MARCKS: variants seen among roughly 807,000 people sequenced by gnomAD.
MARCKS encodes the protein myristoylated alanine-rich C-kinase substrate.
A neutral mutation model predicts 6.3 loss-of-function variants in MARCKS; 4 were observed. That is an observed-to-expected ratio of 0.63 (90% CI 0.31 to 1.45). The LOEUF (loss-of-function observed/expected upper bound fraction) is 1.45, where lower values mean the gene tolerates loss of function less well. MARCKS is among the 40% of genes most tolerant of loss of function. The probability of loss-of-function intolerance (pLI) is 0.07; values close to 1 mark genes in which losing one functional copy is unlikely to be tolerated. For synonymous variants in MARCKS, 289 were observed against 236.5 expected, an observed-to-expected ratio of 1.22 and a Z score of -2.04; for missense variants, 636 against 485.7, an observed-to-expected ratio of 1.31 and a Z score of -2.91.
Position 113,862,970 on chromosome 6 carries a change from G to A in MARCKS, c.*2391G>A, listed in dbSNP as rs182919904. ...CCAACGTTTTCTTAGTTACCTAGAT[G>A]GCCAAGTACAGTGCCTGGTATGTAG... On this transcript the variant is annotated 3_prime_UTR_variant, in exon 2 of 2. Transcript: ENST00000612661. 7.2e-5 allele frequency: 11 copies of A among 152,274 alleles called. No individual in the cohort carries two copies. Among genetic ancestry groups the A allele is most frequent in the African/African-American group, 2.6e-4 (11 of 41,572 alleles). 9.4% of individuals were successfully genotyped at this position (152,274 alleles called of 1,614,324 possible).
rs1017389727 is a variant in MARCKS at position 113,862,136 on chromosome 6, A to C, written c.*1557A>C. 8 of 152,174 alleles carry C rather than the reference A, an allele frequency of 5.3e-5. No homozygotes were observed. Among genetic ancestry groups the C allele is most frequent in the Admixed American group, 2.0e-4 (3 of 15,276 alleles). 9.4% of individuals were successfully genotyped at this position (152,174 alleles called of 1,614,324 possible). A position where few individuals can be genotyped will look rare whatever the true frequency, so the allele number is the denominator to read the frequency against. ...AAGACTATTTAAATGTCTTATGAGA[A>C]AATTTCATAAAGCCATTCTCTTGTC... On this transcript the variant is annotated 3_prime_UTR_variant, in exon 2 of 2. Transcript: ENST00000612661.
Position 113,861,725 on chromosome 6 carries a change from G to T in MARCKS, c.*1146G>T, listed in dbSNP as rs1399793368. The T allele has an allele frequency of 1.3e-5, 2 of 152,602 alleles. No individual in the cohort carries two copies. Among genetic ancestry groups the T allele is most frequent in the Non-Finnish European group, 1.5e-5 (1 of 68,014 alleles). 9.5% of individuals were successfully genotyped at this position (152,602 alleles called of 1,614,324 possible). ...GAATGTAACTTTGCTTACAAAAATT[G>T]CTATTAAACTCCTGCTTAAGGTGTT... On this transcript the variant is annotated 3_prime_UTR_variant, in exon 2 of 2. Transcript: ENST00000612661.
rs1774801827 is a variant in MARCKS, at chr6:113,857,432, G to A, written c.-314G>A. On this transcript the variant is annotated 5_prime_UTR_variant, in exon 1 of 2. Coordinates refer to ENST00000612661, the MANE Select transcript of MARCKS (RefSeq NM_002356.7). ...GTCTACAGTGCGGCTACAAATCTGG[G>A]ATTTTTTTATTACTTCTTTTTTTTT... 3.2e-6 allele frequency: 1 copy of A among 316,226 alleles called. No individual in the cohort carries two copies. 19.6% of individuals were successfully genotyped at this position (316,226 alleles called of 1,614,324 possible).
rs1279751622 is a variant in MARCKS, at chr6:113,859,888, T to G, written c.308T>G (p.Val103Gly). 2.1e-6 allele frequency: 3 copies of G among 1,430,436 alleles called. No individual in the cohort carries two copies. Among genetic ancestry groups the G allele is most frequent in the Non-Finnish European group, 2.7e-6 (3 of 1,095,192 alleles). 88.6% of individuals were successfully genotyped at this position (1,430,436 alleles called of 1,614,324 possible). ...AAAPEAGASP[V>G]EKEAPAEGEA... is the part of the protein sequence containing the mutation. ...GCCCCCGAGGCCGGGGCCAGCCCGG[T>G]AGAGAAGGAGGCCCCCGCGGAAGGC... is the stretch of plus-strand genomic sequence containing the variant. The change falls in exon 2 of 2, where the codon GTA (valine) becomes GGA (glycine). Residue 103 changes from valine (V) to glycine (G), a missense_variant. Coordinates refer to ENST00000612661, the MANE Select transcript of MARCKS (RefSeq NM_002356.7).
chr6:113,859,553 C>A lies in MARCKS; in HGVS notation c.103-130C>A, dbSNP rs1384440873. On this transcript the variant is annotated intron_variant, in intron 1 of 1. Transcript: ENST00000612661. Reference sequence around the variant, plus strand: ...TCCACCCGCGCCTCCCTCCCCACAACGGCGGGGGTGGGGTCTCGATGGCCA... The same window carrying A: ...TCCACCCGCGCCTCCCTCCCCACAAAGGCGGGGGTGGGGTCTCGATGGCCA... The A allele has an allele frequency of 1.4e-5, 11 of 777,362 alleles. No individual in the cohort carries two copies. The East Asian group carries it at 3.6e-4, about 25-fold the overall frequency. 48.2% of individuals were successfully genotyped at this position (777,362 alleles called of 1,614,324 possible).
In MARCKS at chr6:113,861,279, GTGAT is replaced by G. The variant is rs1290062938; in HGVS notation, c.*702_*705del. On this transcript the variant is annotated 3_prime_UTR_variant, in exon 2 of 2. Coordinates refer to ENST00000612661, the MANE Select transcript of MARCKS (RefSeq NM_002356.7). ...TATCTCATGTTAGCTGTACCAGTCAGTGATTAAGTAGAACTACAAGTTGTATAGG... is the reference window on the plus strand; with the variant it reads ...TATCTCATGTTAGCTGTACCAGTCAGTAAGTAGAACTACAAGTTGTATAGG... 1 of 152,352 alleles carries G rather than the reference GTGAT, an allele frequency of 6.6e-6. No homozygotes were observed. Among genetic ancestry groups the G allele is most frequent in the Non-Finnish European group, 1.5e-5 (1 of 67,986 alleles). 9.4% of individuals were successfully genotyped at this position (152,352 alleles called of 1,614,324 possible).
chr6:113,858,608 A>G (rs1387727755), intron 1 of MARCKS, among the ~76,000 whole-genome samples: 1 of 152,068 alleles, frequency 6.6e-6, no homozygotes, highest in East Asian at 1.9e-4. Context: ...CGCCTCGACC[A>G]CCCGCGAGGG....
At chr6:113,857,903 C>T in intron 1 of MARCKS, 56 bp downstream of exon 1, 10 of 1,400,412 alleles carry the variant, frequency 7.1e-6, no homozygotes, top group South Asian at 2.5e-5. Context: ...TCCTTCCCTC[C>T]TGGTGGCTCC....
Position 113,859,757 on chromosome 6 carries a change from G to A in MARCKS, c.177G>A (p.Gln59=), listed in dbSNP as rs1582439995. The change falls in exon 2 of 2, where the codon CAG becomes CAA. Residue 59 remains glutamine (Q), a synonymous_variant. Transcript: ENST00000612661. ...AAESGAKEEL[Q]ANGSAPAADK... is the part of the protein sequence containing the mutation. ...AGTCGGGCGCCAAGGAGGAGCTGCAGGCCAACGGCAGCGCCCCGGCCGCCG... is the reference window on the plus strand; with the variant it reads ...AGTCGGGCGCCAAGGAGGAGCTGCAAGCCAACGGCAGCGCCCCGGCCGCCG... 4.7e-6 allele frequency: 7 copies of A among 1,483,010 alleles called. No homozygotes were observed. In the East Asian group the frequency reaches 1.5e-4, roughly 32 times the overall value. The allele number at this position is 1,483,010 out of a possible 1,614,324, so 91.9% of individuals were successfully genotyped here.
chr6:113,860,506 C>T lies in MARCKS; in HGVS notation c.926C>T (p.Ala309Val), dbSNP rs767707706. 5.2e-6 allele frequency: 8 copies of T among 1,534,596 alleles called. No homozygotes were observed. Among genetic ancestry groups the T allele is most frequent in the South Asian group, 2.4e-5 (2 of 83,536 alleles). Residue 309 changes from alanine (A) to valine (V), a missense_variant, in exon 2 of 2, where the codon GCC becomes GTC. Ala to Val is a moderately conservative substitution (Grantham distance 64, BLOSUM62 0). Coordinates refer to ENST00000612661, the MANE Select transcript of MARCKS (RefSeq NM_002356.7). ...CCCGCGGCCGCCGCAGCCTCGTCAG[C>T]CTGCGCAGCCCCCTCACAGGAGGCC... ...EEPAAAAASSACAAPSQEAQP... is the reference protein window; with the variant it reads ...EEPAAAAASSVCAAPSQEAQP...
In MARCKS at chr6:113,860,077, T is replaced by C; in HGVS notation, c.497T>C (p.Leu166Pro). 3 of 1,573,180 alleles carry C rather than the reference T, an allele frequency of 1.9e-6. No homozygotes were observed. Among genetic ancestry groups the C allele is most frequent in the Non-Finnish European group, 2.6e-6 (3 of 1,160,924 alleles). ...KRFSFKKSFK[L>P]SGFSFKKNKK... Reference sequence around the variant, plus strand: ...TTTTCCTTCAAGAAGTCTTTCAAGCTGAGCGGCTTCTCCTTCAAGAAGAAC... The same window carrying C: ...TTTTCCTTCAAGAAGTCTTTCAAGCCGAGCGGCTTCTCCTTCAAGAAGAAC... The change falls in exon 2 of 2, where the codon CTG (leucine) becomes CCG (proline). Residue 166 changes from leucine (L) to proline (P), a missense_variant. By Grantham distance (98) the Leu-to-Pro change is moderately conservative. Coordinates refer to ENST00000612661, the MANE Select transcript of MARCKS (RefSeq NM_002356.7).
Position 113,860,302 on chromosome 6 carries a change from A to T in MARCKS, c.722A>T (p.Glu241Val). The T allele has an allele frequency of 7.8e-7, 1 of 1,279,380 alleles. No homozygotes were observed. The highest frequency in any genetic ancestry group is 1.0e-6 in the Non-Finnish European group (1 of 987,266). 79.3% of individuals were successfully genotyped at this position (1,279,380 alleles called of 1,614,324 possible). A position where few individuals can be genotyped will look rare whatever the true frequency, so the allele number is the denominator to read the frequency against. ...GGDPQEAKPQ[E>V]AAVAPEKPPA... is the part of the protein sequence containing the mutation. The stretch of plus-strand genomic sequence containing the variant: ...GACCCGCAGGAGGCCAAGCCCCAGG[A>T]GGCCGCTGTCGCGCCAGAGAAGCCG... The change falls in exon 2 of 2, where the codon GAG (glutamate) becomes GTG (valine). Residue 241 changes from glutamate to valine, a missense_variant. Transcript: ENST00000612661.
chr6:113,860,611 C>A lies in MARCKS; in HGVS notation c.*32C>A. On this transcript the variant is annotated 3_prime_UTR_variant, in exon 2 of 2. Transcript: ENST00000612661. ...AAGCTTTTGTGAGATAATCGAAGAACTTTTCTCCCCCGTTTGTTTGTTGGA... is the reference window on the plus strand; with the variant it reads ...AAGCTTTTGTGAGATAATCGAAGAAATTTTCTCCCCCGTTTGTTTGTTGGA... The A allele has an allele frequency of 6.8e-7, 1 of 1,479,616 alleles. No individual in the cohort carries two copies. The highest frequency in any genetic ancestry group is 9.0e-7 in the Non-Finnish European group (1 of 1,113,918). 91.7% of individuals were successfully genotyped at this position (1,479,616 alleles called of 1,614,324 possible).
chr6:113,861,598 A>C lies in MARCKS; in HGVS notation c.*1019A>C, dbSNP rs1464211168. On this transcript the variant is annotated 3_prime_UTR_variant, in exon 2 of 2. Transcript: ENST00000612661. ...CTTTCTTTTCCAGTCGTCTTTGAGAATAAAGGAAAAAAAATCTTCAGATGC... is the reference window on the plus strand; with the variant it reads ...CTTTCTTTTCCAGTCGTCTTTGAGACTAAAGGAAAAAAAATCTTCAGATGC... 1.4e-5 allele frequency: 2 copies of C among 141,252 alleles called. No homozygotes were observed. Among genetic ancestry groups the C allele is most frequent in the Non-Finnish European group, 3.1e-5 (2 of 64,236 alleles). The allele number at this position is 141,252 out of a possible 1,614,324, so 8.7% of individuals were successfully genotyped here. A position where few individuals can be genotyped will look rare whatever the true frequency, so the allele number is the denominator to read the frequency against.
rs1384194166 is a variant in MARCKS, at chr6:113,857,681, C to T, written c.-65C>T. On this transcript the variant is annotated 5_prime_UTR_variant, in exon 1 of 2. Transcript: ENST00000612661. ...GCTGCTGCTGCTCGCCCCGTCGTTA[C>T]ACCAACCCGAGGCTCTTTGTTTCCC... is the stretch of plus-strand genomic sequence containing the variant. 4.7e-6 allele frequency: 6 copies of T among 1,265,716 alleles called. No homozygotes were observed. The East Asian group carries it at 1.3e-4, about 28-fold the overall frequency. 78.4% of individuals were successfully genotyped at this position (1,265,716 alleles called of 1,614,324 possible). A position where few individuals can be genotyped will look rare whatever the true frequency, so the allele number is the denominator to read the frequency against.
At position 113,860,501 on chromosome 6, in the gene MARCKS, G is replaced by GTCAGCCTGCGCAGCCCCC. The variant is rs1255319726; in HGVS notation, c.925_942dup (p.Ala309_Ser314dup). ...AGGAGCCCGCGGCCGCCGCAGCCTC[G>GTCAGCCTGCGCAGCCCCC]TCAGCCTGCGCAGCCCCCTCACAGG... is the stretch of plus-strand genomic sequence containing the variant. On this transcript the variant is annotated inframe_insertion, in exon 2 of 2. Transcript: ENST00000612661. 5 of 1,525,152 alleles carry GTCAGCCTGCGCAGCCCCC rather than the reference G, an allele frequency of 3.3e-6. No homozygotes were observed. Among genetic ancestry groups the GTCAGCCTGCGCAGCCCCC allele is most frequent in the Admixed American group, 2.1e-5 (1 of 47,584 alleles). The allele number at this position is 1,525,152 out of a possible 1,614,324, so 94.5% of individuals were successfully genotyped here.
Position 113,859,943 on chromosome 6 carries a change from C to A in MARCKS, c.363C>A (p.Ala121=), listed in dbSNP as rs1198082847. The change falls in exon 2 of 2, where the codon GCC becomes GCA. Residue 121 remains alanine (A), a synonymous_variant. Coordinates refer to ENST00000612661, the MANE Select transcript of MARCKS (RefSeq NM_002356.7). ...GEAAEPGSPT[A]AEGEAASAAS... ...CTGCCGAGCCCGGCTCGCCCACGGC[C>A]GCGGAGGGAGAGGCCGCGTCGGCCG... is the stretch of plus-strand genomic sequence containing the variant. 2.7e-6 allele frequency: 4 copies of A among 1,491,370 alleles called. No individual in the cohort carries two copies. The highest frequency in any genetic ancestry group is 2.8e-5 in the East Asian group (1 of 35,640). 92.4% of individuals were successfully genotyped at this position (1,491,370 alleles called of 1,614,324 possible).
At chr6:113,858,543 G>A (rs978246665) in intron 1 of MARCKS, among the ~76,000 whole-genome samples, 4 of 152,236 alleles carry the variant, frequency 2.6e-5, no homozygotes, top group African/African-American at 9.6e-5. Context: ...AACCTTTCCA[G>A]ATGGTCAAAA....
chr6:113,857,558 A>C lies in MARCKS; in HGVS notation c.-188A>C. 3.7e-6 allele frequency: 2 copies of C among 538,922 alleles called. No homozygotes were observed. Among genetic ancestry groups the C allele is most frequent in the Non-Finnish European group, 3.3e-6 (1 of 304,690 alleles). The allele number at this position is 538,922 out of a possible 1,614,324, so 33.4% of individuals were successfully genotyped here. On this transcript the variant is annotated 5_prime_UTR_variant, in exon 1 of 2. Coordinates refer to ENST00000612661, the MANE Select transcript of MARCKS (RefSeq NM_002356.7). ...TGATCTCTTCGACTAAAATTTTTTTATCCGGAGTGTATTTAATCGGTTCTG... is the reference window on the plus strand; with the variant it reads ...TGATCTCTTCGACTAAAATTTTTTTCTCCGGAGTGTATTTAATCGGTTCTG...
Sources: allele counts gnomAD v4.1 joint callset (sites outside exome capture counted in the v4.1 genomes callset), GRCh38; gene constraint gnomAD v4.1.1; transcripts MANE v1.5; gene names NCBI Gene and HGNC (gene_info 2026-07-23, HGNC 2026-07-21).